Variants in NRXN3 observed in about 807,000 individuals in gnomAD.
NRXN3 encodes the protein neurexin III.
Under a neutral mutation model 137.6 loss-of-function variants are expected in NRXN3, and 32 were observed. That is an observed-to-expected ratio of 0.23 (90% CI 0.18 to 0.31). The LOEUF is 0.31. Ranked by LOEUF, NRXN3 falls within the 10% of genes least tolerant of loss-of-function variation. The pLI, the probability that NRXN3 is intolerant of heterozygous loss-of-function variation, is 1.00. For synonymous variants in NRXN3, 798 were observed against 784.5 expected (o/e 1.02, Z -0.29); for missense variants, 1,574 against 2,062.5 (o/e 0.76, Z 4.59).
At chr14:79,711,046 T>TTTAA (rs1237100074) in intron 19 of NRXN3, among the ~76,000 whole-genome samples, 1 of 152,232 alleles carries the variant, frequency 6.6e-6, no homozygotes, top group Non-Finnish European at 1.5e-5. Context: ...GAATAGGGTC[T>TTTAA]TTAATTTCTA....
At chr14:79,757,424 G>A (rs544257081) in intron 19 of NRXN3, among the ~76,000 whole-genome samples, 136 of 152,252 alleles carry the variant, frequency 8.9e-4, no homozygotes, top group African/African-American at 3.1e-3. Flanking sequence ...TCTAATCACT[G>A]ATGGGTTTCC....
Position 78,364,021 on chromosome 14 carries a change from G to T in NRXN3, c.757+66161G>T, listed in dbSNP as rs945891553. On this transcript the variant is annotated intron_variant, in intron 4 of 20. Transcript: ENST00000335750. ...AGGACTATGTTGACTTCACCAAAGG[G>T]ATAGTCAGGTCGCACCTGGATATCA... Among the ~76,000 whole-genome samples the T allele has an allele frequency of 4.6e-5, 7 of 152,304 alleles. No homozygotes were observed. In the South Asian group the frequency reaches 1.0e-3, roughly 23 times the overall value.
At chr14:79,266,801 C>G (rs1035261221) in intron 15 of NRXN3, among the ~76,000 whole-genome samples, 1 of 152,186 alleles carries the variant, frequency 6.6e-6, no homozygotes, top group Non-Finnish European at 1.5e-5. Flanking sequence ...AAGACTCCAA[C>G]AAATTATATG....
intron 19 of NRXN3, among the ~76,000 whole-genome samples, chr14:79,711,090 A>T (rs1567972723): frequency 6.6e-6 from 1 of 152,220 alleles, no homozygotes; most frequent in African/African-American, 2.4e-5. Context: ...TGTAAACAAT[A>T]TATGTTTTGA....
At chr14:79,772,702 A>C (rs2099082817) in intron 19 of NRXN3, among the ~76,000 whole-genome samples, 1 of 152,190 alleles carries the variant, frequency 6.6e-6, no homozygotes. Context: ...ATTACCATTC[A>C]GGACATAGGC....
chr14:79,832,490 G>A (rs1245871494), intron 20 of NRXN3, among the ~76,000 whole-genome samples: 5 of 152,052 alleles, frequency 3.3e-5, no homozygotes, highest in African/African-American at 9.7e-5. Flanking sequence ...CTAAACTAAG[G>A]GGACTTTTGT....
At chr14:79,309,784 A>AT (rs1322240913) in intron 15 of NRXN3, among the ~76,000 whole-genome samples, 4 of 148,758 alleles carry the variant, frequency 2.7e-5, no homozygotes, top group East Asian at 2.0e-4. Context: ...GGGTTGTTTG[A>AT]TTTTTTCTTG....
chr14:78,438,689 A>G (rs1268405339), intron 4 of NRXN3, among the ~76,000 whole-genome samples: 7 of 152,058 alleles, frequency 4.6e-5, no homozygotes, highest in Non-Finnish European at 1.5e-5. Context: ...GCCAGAAGAG[A>G]AGGTCACCAA....
At chr14:78,352,125 T>G (rs932307243) in intron 4 of NRXN3, among the ~76,000 whole-genome samples, 2 of 151,776 alleles carry the variant, frequency 1.3e-5, no homozygotes, top group African/African-American at 4.8e-5. Flanking sequence ...AGGCATTGCC[T>G]TATATTTTCT....
intron 1 of NRXN3, among the ~76,000 whole-genome samples, chr14:78,205,203 C>T (rs1375358206): frequency 6.6e-6 from 1 of 152,184 alleles, no homozygotes; most frequent in African/African-American, 2.4e-5. Context: ...ATTGCGAGGA[C>T]TGATTGGATG....
At chr14:79,857,405 G>T (rs2099405059) in intron 20 of NRXN3, among the ~76,000 whole-genome samples, 3 of 152,054 alleles carry the variant, frequency 2.0e-5, no homozygotes, top group African/African-American at 7.2e-5. Flanking sequence ...TGTATTTTTA[G>T]TAGAGATGGG....
At chr14:78,630,597 CTTTTTT>C (rs370862037) in intron 4 of NRXN3, among the ~76,000 whole-genome samples, 2 of 127,840 alleles carry the variant, frequency 1.6e-5, no homozygotes, top group African/African-American at 5.8e-5. Context: ...TTCTTTCTTT[CTTTTTT>C]TTTTTTTTTT....
chr14:79,082,102 A>G (rs866263763), intron 15 of NRXN3, among the ~76,000 whole-genome samples: 42 of 151,634 alleles, frequency 2.8e-4, no homozygotes, highest in Non-Finnish European at 5.4e-4. Context: ...ACTTATATAT[A>G]CATACATAAA....
In NRXN3 at chr14:78,772,067, T is replaced by C. The variant is rs111934527; in HGVS notation, c.2045-31553T>C. ...ATACAATATTTTAATTAATTCTGAA[T>C]ACCTGTCACATGAGGTCAGGTATGA... On this transcript the variant is annotated intron_variant, in intron 8 of 20. Transcript: ENST00000335750. 6.9e-3 allele frequency among the ~76,000 whole-genome samples: 1,051 copies of C among 152,306 alleles called. 7 individuals are homozygous for C. Among genetic ancestry groups the C allele is most frequent in the Non-Finnish European group, 0.011 (718 of 68,020 alleles).
At chr14:78,317,275 G>A (rs1047537923) in intron 4 of NRXN3, among the ~76,000 whole-genome samples, 2 of 152,206 alleles carry the variant, frequency 1.3e-5, no homozygotes, top group African/African-American at 4.8e-5. Flanking sequence ...CTGTGGACCA[G>A]TGGTGGTTCA....
intron 15 of NRXN3, among the ~76,000 whole-genome samples, chr14:79,087,931 G>A (rs1015718293): frequency 1.3e-5 from 2 of 152,120 alleles, no homozygotes; most frequent in Non-Finnish European, 2.9e-5. Context: ...TGCTTGTTTG[G>A]GAAATAACAA....
At position 79,493,831 on chromosome 14, in the gene NRXN3, T is replaced by A. The variant is rs184142815; in HGVS notation, c.3444+26429T>A. ...ATAAGACAAGTATTAGCATTATGTT[T>A]GAACAAAGGTTTTCACAAGGTCTAT... On this transcript the variant is annotated intron_variant, in intron 16 of 20. Transcript: ENST00000335750. 5.7e-3 allele frequency among the ~76,000 whole-genome samples: 866 copies of A among 151,842 alleles called. 3 individuals are homozygous for A. The highest frequency in any genetic ancestry group is 0.01 in the Non-Finnish European group (688 of 68,022).
At chr14:79,561,628 C>T (rs1291889797) in intron 16 of NRXN3, among the ~76,000 whole-genome samples, 1 of 152,096 alleles carries the variant, frequency 6.6e-6, no homozygotes, top group African/African-American at 2.4e-5. Flanking sequence ...TTTGTATCCA[C>T]AATCAGGACA....
intron 15 of NRXN3, among the ~76,000 whole-genome samples, chr14:79,191,952 A>C (rs1033483088): frequency 1.4e-4 from 22 of 152,074 alleles, no homozygotes; most frequent in Non-Finnish European, 2.9e-4. Context: ...CCAAGAACCC[A>C]GAAACGACAG....
Sources: allele counts gnomAD v4.1 joint callset (sites outside exome capture counted in the v4.1 genomes callset), GRCh38; gene constraint gnomAD v4.1.1; transcripts MANE v1.5; gene names NCBI Gene and HGNC (gene_info 2026-07-23, HGNC 2026-07-21).